MACROD2: variants seen among roughly 807,000 people sequenced by gnomAD.
MACROD2 encodes mono-ADP ribosylhydrolase 2.
MACROD2 carries 36 observed loss-of-function variants against 70.4 expected under a neutral mutation model. The ratio of observed to expected loss-of-function variants is 0.51; its 90% CI spans 0.39 to 0.68. MACROD2 has a LOEUF of 0.68. Ranked by LOEUF, MACROD2 falls within the 30% of genes least tolerant of loss-of-function variation. MACROD2 has a pLI of 0.00. For missense variants in MACROD2, 496 were observed against 538.4 expected (o/e 0.92, Z 0.78); for synonymous variants, 172 against 178.8 (o/e 0.96, Z 0.30).
intron 5 of MACROD2, among the ~76,000 whole-genome samples, chr20:14,827,510 A>T (rs534587847): frequency 6.6e-6 from 1 of 152,078 alleles, no homozygotes; most frequent in Non-Finnish European, 1.5e-5. Flanking sequence ...TCTGAGATTT[A>T]AGCATTACTT....
intron 5 of MACROD2, among the ~76,000 whole-genome samples, chr20:15,157,362 T>TCCCCCC (rs1173688272): frequency 4.8e-5 from 1 of 21,012 alleles, no homozygotes; most frequent in Non-Finnish European, 9.6e-5. Context: ...CCCCCCCACC[T>TCCCCCC]CCCCCCCCCC....
At chr20:14,092,935 T>C (rs1001679889) in intron 3 of MACROD2, among the ~76,000 whole-genome samples, 8 of 152,324 alleles carry the variant, frequency 5.3e-5, no homozygotes, top group Admixed American at 3.3e-4. Flanking sequence ...CAGAGCCAGT[T>C]TTCCGCTGAA....
At chr20:14,085,584 A>G (rs2054066693) in intron 2 of MACROD2, 37 bp from the exon 3 acceptor site, 1 of 1,173,362 alleles carries the variant, frequency 8.5e-7, no homozygotes, top group Admixed American at 2.5e-5. Flanking sequence ...GTTAATTAAT[A>G]ATATTATTAT....
In MACROD2 at chr20:15,846,911, T is replaced by TTATA. The variant is rs33993940; in HGVS notation, c.646-15796_646-15793dup. Among the ~76,000 whole-genome samples, 904 of 137,472 alleles carry TTATA rather than the reference T, an allele frequency of 6.6e-3. 19 individuals are homozygous for TTATA. The highest frequency in any genetic ancestry group is 9.9e-3 in the Non-Finnish European group (642 of 64,604). The allele number at this position is 137,472 out of a possible 152,430, so 90.2% of individuals were successfully genotyped here. A position where few individuals can be genotyped will look rare whatever the true frequency, so the allele number is the denominator to read the frequency against. On this transcript the variant is annotated intron_variant, in intron 8 of 17. Transcript: ENST00000684519. ...GACCTTGACATAGTCAAAAAAAAAATTATATATATATATATATATATATAT... is the reference window on the plus strand; with the variant it reads ...GACCTTGACATAGTCAAAAAAAAAATTATATATATATATATATATATATATATAT...
At chr20:15,890,871 A>G (rs966298764) in intron 10 of MACROD2, among the ~76,000 whole-genome samples, 3 of 152,152 alleles carry the variant, frequency 2.0e-5, no homozygotes, top group Non-Finnish European at 2.9e-5. Context: ...GGTCCCCATT[A>G]TATCTTGGCC....
At chr20:15,314,078 A>C (rs969140421) in intron 6 of MACROD2, among the ~76,000 whole-genome samples, 4 of 152,318 alleles carry the variant, frequency 2.6e-5, no homozygotes, top group African/African-American at 9.6e-5. Context: ...AAATATCATT[A>C]GGACCAGTAA....
At chr20:15,331,181 A>C (rs991079948) in intron 6 of MACROD2, among the ~76,000 whole-genome samples, 2 of 151,718 alleles carry the variant, frequency 1.3e-5, no homozygotes, top group Non-Finnish European at 2.9e-5. Flanking sequence ...TTCCAAGTGT[A>C]TTTTCATTAT....
At chr20:14,990,864 C>T (rs1014873611) in intron 5 of MACROD2, among the ~76,000 whole-genome samples, 2 of 152,150 alleles carry the variant, frequency 1.3e-5, no homozygotes, top group African/African-American at 2.4e-5. Context: ...TATTCTAAAT[C>T]TCTAATTAGT....
In MACROD2 at chr20:15,738,107, T is replaced by TGAAA. The variant is rs201488362; in HGVS notation, c.646-124635_646-124634insAGAA. Reference sequence around the variant, plus strand: ...GAATGGGTACAAAATATAGAAAGAGTGAATAAAATCTAGTAGTATTTGATA... The same window carrying TGAAA: ...GAATGGGTACAAAATATAGAAAGAGTGAAAGAATAAAATCTAGTAGTATTTGATA... On this transcript the variant is annotated intron_variant, in intron 8 of 17. Transcript: ENST00000684519. Among the ~76,000 whole-genome samples, 240 of 151,714 alleles carry TGAAA rather than the reference T, an allele frequency of 1.6e-3. 5 individuals are homozygous for TGAAA. The East Asian group carries it at 0.035, about 22-fold the overall frequency.
chr20:15,956,917 A>T (rs1454199026), intron 12 of MACROD2, among the ~76,000 whole-genome samples: 2 of 152,226 alleles, frequency 1.3e-5, no homozygotes. Context: ...TTCAAAAAAG[A>T]TTTACCGTAG....
chr20:15,007,234 G>A (rs2075045352), intron 5 of MACROD2, among the ~76,000 whole-genome samples: 1 of 151,928 alleles, frequency 6.6e-6, no homozygotes, highest in Non-Finnish European at 1.5e-5. Flanking sequence ...CATGGTGGCG[G>A]GTGCCTGTAG....
intron 5 of MACROD2, among the ~76,000 whole-genome samples, chr20:14,987,635 A>T (rs1271994388): frequency 6.6e-6 from 1 of 152,166 alleles, no homozygotes; most frequent in South Asian, 2.1e-4. Context: ...AAAGGAGATG[A>T]TGCTGTGGAA....
chr20:15,680,085 C>G (rs959141184), intron 8 of MACROD2, among the ~76,000 whole-genome samples: 1 of 152,166 alleles, frequency 6.6e-6, no homozygotes, highest in African/African-American at 2.4e-5. Context: ...AGGTCAAGTC[C>G]TCCAAGTAAC....
At chr20:14,650,507 A>T (rs1985623670) in intron 4 of MACROD2, among the ~76,000 whole-genome samples, 1 of 152,230 alleles carries the variant, frequency 6.6e-6, no homozygotes, top group Non-Finnish European at 1.5e-5. Flanking sequence ...GTTCTTCTCC[A>T]TTGGAGGTTA....
intron 8 of MACROD2, among the ~76,000 whole-genome samples, chr20:15,516,652 T>G (rs998145418): frequency 6.6e-6 from 1 of 152,138 alleles, no homozygotes; most frequent in Non-Finnish European, 1.5e-5. Flanking sequence ...TTTCTTTTCC[T>G]TGGGAGTGAA....
intron 3 of MACROD2, among the ~76,000 whole-genome samples, chr20:14,307,844 C>T (rs1371941203): frequency 6.6e-6 from 1 of 152,052 alleles, no homozygotes; most frequent in Admixed American, 6.6e-5. Context: ...GAATTATAAT[C>T]TCAGAGGATG....
chr20:14,688,181 T>A (rs1310060258), intron 5 of MACROD2, among the ~76,000 whole-genome samples: 2 of 152,158 alleles, frequency 1.3e-5, no homozygotes, highest in African/African-American at 4.8e-5. Context: ...TTGCTATCTG[T>A]CCTCTGAGAC....
chr20:14,447,034 T>G (rs901494538), intron 3 of MACROD2, among the ~76,000 whole-genome samples: 1 of 152,096 alleles, frequency 6.6e-6, no homozygotes, highest in African/African-American at 2.4e-5. Context: ...TTTTCCTTTT[T>G]TTGAGATGGA....
chr20:15,128,843 T>C (rs1289190782), intron 5 of MACROD2, among the ~76,000 whole-genome samples: 9 of 68,090 alleles, frequency 1.3e-4, no homozygotes, highest in Non-Finnish European at 2.8e-4. Flanking sequence ...GTTTGTGTTT[T>C]GTTTTTTTTT....
Sources: allele counts gnomAD v4.1 joint callset (sites outside exome capture counted in the v4.1 genomes callset), GRCh38; gene constraint gnomAD v4.1.1; transcripts MANE v1.5; gene names NCBI Gene and HGNC (gene_info 2026-07-23, HGNC 2026-07-21).